GRIK5: variants seen among roughly 807,000 people sequenced by gnomAD.
GRIK5 encodes glutamate receptor ionotropic, kainate 5.
A neutral mutation model predicts 97.4 loss-of-function variants in GRIK5; 43 were observed. The ratio of observed to expected loss-of-function variants is 0.44; its 90% CI spans 0.35 to 0.57. The LOEUF (loss-of-function observed/expected upper bound fraction) is 0.57, where lower values mean the gene tolerates loss of function less well. Among genes scored for constraint, GRIK5 ranks in the 20% least tolerant of loss-of-function variants. GRIK5 has a pLI of 0.01. For missense variants in GRIK5, 1,015 were observed against 1,382.0 expected, an observed-to-expected ratio of 0.73 and a Z score of 4.21; for synonymous variants, 580 against 583.5, an observed-to-expected ratio of 0.99 and a Z score of 0.09.
At chr19:42,066,081 G>GGGCACAGCT (rs1275747522) in intron 1 of GRIK5, among the ~76,000 whole-genome samples, 2 of 152,102 alleles carry the variant, frequency 1.3e-5, no homozygotes, top group African/African-American at 2.4e-5. Flanking sequence ...GAGAGAGGAT[G>GGGCACAGCT]GGCACAGCTA....
chr19:42,017,994 G>A (rs1003794142), intron 15 of GRIK5, among the ~76,000 whole-genome samples: 1 of 151,942 alleles, frequency 6.6e-6, no homozygotes, highest in African/African-American at 2.4e-5. Context: ...AGGGATGGGG[G>A]CCATGGTCAG....
chr19:42,014,940 G>A (rs1461026317), intron 15 of GRIK5, among the ~76,000 whole-genome samples: 1 of 152,146 alleles, frequency 6.6e-6, no homozygotes, highest in Non-Finnish European at 1.5e-5. Flanking sequence ...ATCTAGATGG[G>A]CCGAGACTAA....
Position 42,042,468 on chromosome 19 carries a change from C to G in GRIK5, c.1473+84G>C. 1 of 1,233,898 alleles carries G rather than the reference C, an allele frequency of 8.1e-7. No individual in the cohort carries two copies. Among genetic ancestry groups the G allele is most frequent in the Non-Finnish European group, 1.1e-6 (1 of 871,524 alleles). 76.4% of individuals were successfully genotyped at this position (1,233,898 alleles called of 1,614,324 possible). ...TCTTCTGCCACCAGCCAGGCTGCTT[C>G]TGAGGTTCGACTGGCTGCCCAGCTG... On this transcript the variant is annotated intron_variant, in intron 12 of 19. Coordinates refer to ENST00000593562, the MANE Select transcript of GRIK5 (RefSeq NM_002088.5). This position sits in a 1 kb window ranked among gnomAD's most constrained non-coding sequence, Gnocchi z 6.9.
chr19:42,069,148 G>A (rs1001410872), intron 1 of GRIK5, 93 bp downstream of exon 1: 37 of 402,716 alleles, frequency 9.2e-5, no homozygotes, highest in Admixed American at 6.6e-4. Flanking sequence ...TCCGGAGAAC[G>A]GGGAGAATGT....
chr19:42,005,253 A>C (rs934977211), intron 17 of GRIK5, among the ~76,000 whole-genome samples: 47 of 151,446 alleles, frequency 3.1e-4, no homozygotes, highest in East Asian at 2.5e-3. Context: ...AAAAAAAAAA[A>C]AAAACAAAAC....
At chr19:42,024,495 G>A (rs1307315676) in intron 12 of GRIK5, among the ~76,000 whole-genome samples, 3 of 152,160 alleles carry the variant, frequency 2.0e-5, no homozygotes, top group Non-Finnish European at 2.9e-5. Flanking sequence ...TTACAGGCGT[G>A]AGCCACCGCG....
At chr19:42,015,151 G>C (rs2075609677) in intron 15 of GRIK5, among the ~76,000 whole-genome samples, 2 of 152,294 alleles carry the variant, frequency 1.3e-5, no homozygotes, top group South Asian at 4.1e-4. Context: ...GCTTCAACAT[G>C]CATGAGGCAA....
chr19:42,059,585 G>C (rs1238767787), intron 5 of GRIK5, 58 bp from the exon 6 acceptor site: 1 of 1,442,412 alleles, frequency 6.9e-7, no homozygotes, highest in Non-Finnish European at 9.6e-7. Context: ...GCATGGCGTA[G>C]ACACTCTCTC....
chr19:42,029,778 C>G (rs1008192545), intron 12 of GRIK5, among the ~76,000 whole-genome samples: 2 of 152,182 alleles, frequency 1.3e-5, no homozygotes, highest in Non-Finnish European at 2.9e-5. Context: ...CTGGACCTCA[C>G]TCCAGATGAA....
chr19:42,055,058 A>G (rs565972741), intron 8 of GRIK5, among the ~76,000 whole-genome samples: 1 of 152,314 alleles, frequency 6.6e-6, no homozygotes, highest in East Asian at 1.9e-4. Context: ...TAAAATGAGG[A>G]TAATAGTAAT....
At position 42,062,565 on chromosome 19, in the gene GRIK5, T is replaced by C; in HGVS notation, c.431A>G (p.Asp144Gly). Residue 144 changes from aspartate (D) to glycine (G), a missense_variant, in exon 5 of 20, where the codon GAC becomes GGC. This residue lies in a region of GRIK5 where 198 missense variants were observed against 218.2 expected (regional missense o/e 0.91). Transcript: ENST00000593562. This position sits in a 1 kb window ranked among gnomAD's most constrained non-coding sequence, Gnocchi z 5.3. Reference protein sequence around the residue: ...ASVSLYPSNEDVSLAVSRILK... With the variant: ...ASVSLYPSNEGVSLAVSRILK... ...GATTCGGGAGACCGCCAAGCTGACG[T>C]CCTCGTTACTGGGGTACAGGCTGAC... 6.2e-7 allele frequency: 1 copy of C among 1,614,170 alleles called. No individual in the cohort carries two copies. The highest frequency in any genetic ancestry group is 8.5e-7 in the Non-Finnish European group (1 of 1,180,012).
Position 42,053,920 on chromosome 19 carries a change from C to T in GRIK5, c.1066G>A (p.Asp356Asn). Residue 356 changes from aspartate to asparagine, a missense_variant, in exon 10 of 20, where the codon GAT (aspartate) becomes AAT (asparagine). Coordinates refer to ENST00000593562, the MANE Select transcript of GRIK5 (RefSeq NM_002088.5). Reference sequence around the variant, plus strand: ...AACTCGACCCGCCCGGTCAGCCCATCATACTCTACCTGGCAGGGTGGGGAG... The same window carrying T: ...AACTCGACCCGCCCGGTCAGCCCATTATACTCTACCTGGCAGGGTGGGGAG... ...LMNYLRMVEYDGLTGRVEFNS... is the reference protein window; with the variant it reads ...LMNYLRMVEYNGLTGRVEFNS... 1 of 1,612,148 alleles carries T rather than the reference C, an allele frequency of 6.2e-7. No homozygotes were observed. The highest frequency in any genetic ancestry group is 8.5e-7 in the Non-Finnish European group (1 of 1,178,282).
intron 11 of GRIK5, among the ~76,000 whole-genome samples, chr19:42,043,133 T>C (rs1048372383): frequency 6.6e-6 from 1 of 152,186 alleles, no homozygotes; most frequent in Admixed American, 6.5e-5. Flanking sequence ...CAGTAAAAGA[T>C]ACATTTTACC....
chr19:42,012,060 AC>A (rs1317985445), intron 15 of GRIK5, among the ~76,000 whole-genome samples: 1 of 152,192 alleles, frequency 6.6e-6, no homozygotes, highest in African/African-American at 2.4e-5. Flanking sequence ...GTAGATTTAA[AC>A]CTAACCATAT....
chr19:42,061,714 C>A (rs2076261859), intron 5 of GRIK5, among the ~76,000 whole-genome samples: 1 of 152,198 alleles, frequency 6.6e-6, no homozygotes. Context: ...ATCACCCTGG[C>A]CCCCTCATTC....
chr19:42,023,330 G>A (rs906332847), intron 12 of GRIK5, among the ~76,000 whole-genome samples: 8 of 152,230 alleles, frequency 5.3e-5, no homozygotes, highest in Non-Finnish European at 8.8e-5. Flanking sequence ...ATGTGGATTC[G>A]GAGAATCTCT....
chr19:42,005,795 G>A lies in GRIK5; in HGVS notation c.2191C>T (p.Arg731Cys). The A allele has an allele frequency of 1.2e-6, 2 of 1,614,100 alleles. No individual in the cohort carries two copies. Among genetic ancestry groups the A allele is most frequent in the African/African-American group, 1.3e-5 (1 of 75,064 alleles). The change falls in exon 17 of 20, where the codon CGC becomes TGC. Residue 731 changes from arginine (R) to cysteine (C), a missense_variant. Coordinates refer to ENST00000593562, the MANE Select transcript of GRIK5 (RefSeq NM_002088.5). The stretch of plus-strand genomic sequence containing the variant: ...ATCTGGGTGAGGTTGCAGTTGAGGC[G>A]CCGGTGGTATTCGTTCATGGTGGAC... ...LESTMNEYHR[R>C]LNCNLTQIGG...
At chr19:42,061,339 C>T (rs543169985) in intron 5 of GRIK5, among the ~76,000 whole-genome samples, 68 of 152,134 alleles carry the variant, frequency 4.5e-4, no homozygotes, top group East Asian at 3.1e-3. Context: ...CCATCGCGCC[C>T]GGCCATAAAT....
chr19:42,011,694 C>A (rs946915070), intron 15 of GRIK5, among the ~76,000 whole-genome samples: 1 of 151,994 alleles, frequency 6.6e-6, no homozygotes, highest in East Asian at 1.9e-4. Context: ...TCCCAACAGG[C>A]CAGGCACAGT....
Sources: gnomAD v4.1 joint callset for allele counts (sites outside exome capture counted in the v4.1 genomes callset) on GRCh38, gnomAD v4.1.1 for gene constraint, gnomAD v4.1.1 regional missense constraint, Gnocchi (gnomAD v3.1) non-coding constraint, MANE v1.5 for transcripts, NCBI Gene and HGNC (gene_info 2026-07-23, HGNC 2026-07-21) for gene names.